The following NR6A1 variants were observed in gnomAD, a reference collection of about 807,000 sequenced individuals.
NR6A1 encodes retinoic acid receptor-related testis-associated receptor.
In NR6A1, 7 loss-of-function variants were observed where a neutral mutation model predicts 59.1. That is an observed-to-expected ratio of 0.12 (90% CI 0.07 to 0.22). NR6A1 has a LOEUF of 0.22. Ranked by LOEUF, NR6A1 falls within the 10% of genes least tolerant of loss-of-function variation. The probability of loss-of-function intolerance (pLI) is 1.00; values close to 1 mark genes in which losing one functional copy is unlikely to be tolerated. For synonymous variants in NR6A1, 243 were observed against 236.1 expected, an observed-to-expected ratio of 1.03 and a Z score of -0.27; for missense variants, 468 against 611.6, an observed-to-expected ratio of 0.77 and a Z score of 2.48.
chr9:124,568,415 G>A (rs139434206), intron 2 of NR6A1, among the ~76,000 whole-genome samples: 1,859 of 151,610 alleles, frequency 0.012, 18 homozygotes, highest in Middle Eastern at 0.058. Context: ...CCCAGGAGGC[G>A]GAGGTTGCAG....
At chr9:124,739,347 A>G (rs1350711180) in intron 1 of NR6A1, among the ~76,000 whole-genome samples, 1 of 152,236 alleles carries the variant, frequency 6.6e-6, no homozygotes, top group Admixed American at 6.5e-5. Context: ...TTTGGTGAAT[A>G]TATGTAAATC....
At position 124,548,087 on chromosome 9, in the gene NR6A1, T is replaced by C. The variant is rs112973868; in HGVS notation, c.386-4230A>G. Among the ~76,000 whole-genome samples, 1,243 of 130,612 alleles carry C rather than the reference T, an allele frequency of 9.5e-3. 15 individuals are homozygous for C. The highest frequency in any genetic ancestry group is 0.035 in the African/African-American group (1,184 of 33,510). The allele number at this position is 130,612 out of a possible 152,430, so 85.7% of individuals were successfully genotyped here. On this transcript the variant is annotated intron_variant, in intron 3 of 9. Transcript: ENST00000487099. ...GCGTACATGCAGGCACACACACACTTACTTACCTGTGGGAAGTGGGGAAGG... is the reference window on the plus strand; with the variant it reads ...GCGTACATGCAGGCACACACACACTCACTTACCTGTGGGAAGTGGGGAAGG...
chr9:124,762,920 C>CA (rs1249158684), intron 1 of NR6A1, among the ~76,000 whole-genome samples: 1 of 152,182 alleles, frequency 6.6e-6, no homozygotes, highest in Non-Finnish European at 1.5e-5. Flanking sequence ...CTTGAAAGCT[C>CA]AAATTTTATT....
At chr9:124,556,159 T>C (rs1833918675) in intron 2 of NR6A1, among the ~76,000 whole-genome samples, 1 of 152,246 alleles carries the variant, frequency 6.6e-6, no homozygotes, top group Non-Finnish European at 1.5e-5. Context: ...TTTGTAGATG[T>C]GATTGAATTA....
At chr9:124,625,586 G>C (rs1341396759) in intron 2 of NR6A1, among the ~76,000 whole-genome samples, 5 of 152,074 alleles carry the variant, frequency 3.3e-5, no homozygotes, top group Non-Finnish European at 2.9e-5. Context: ...GGCTCTCTAG[G>C]TTTTCTGTTC....
At chr9:124,547,604 T>C (rs147098730) in intron 3 of NR6A1, among the ~76,000 whole-genome samples, 3 of 152,268 alleles carry the variant, frequency 2.0e-5, no homozygotes, top group African/African-American at 4.8e-5. Context: ...ATATCACCAA[T>C]AATGGGTATA....
chr9:124,618,882 G>A (rs1835978461), intron 2 of NR6A1, among the ~76,000 whole-genome samples: 1 of 152,204 alleles, frequency 6.6e-6, no homozygotes, highest in African/African-American at 2.4e-5. Flanking sequence ...TGATTGCAGA[G>A]TTGAGGTGGT....
Position 124,733,362 on chromosome 9 carries a change from C to T in NR6A1, c.101-13G>A. 4 of 1,608,176 alleles carry T rather than the reference C, an allele frequency of 2.5e-6. No homozygotes were observed. Among genetic ancestry groups the T allele is most frequent in the Non-Finnish European group, 3.4e-6 (4 of 1,175,274 alleles). On this transcript the variant is annotated splice_polypyrimidine_tract_variant and intron_variant, in intron 1 of 9. Coordinates refer to ENST00000487099, the MANE Select transcript of NR6A1 (RefSeq NM_033334.4). ...TCCTGACAGAAACCTAAAGAGAAAA[C>T]AATAGGAAAAAAAATTACAATTTGT...
At chr9:124,598,647 T>TAAAAAA (rs34357133) in intron 2 of NR6A1, 44 of 160,958 alleles carry the variant, frequency 2.7e-4, no homozygotes, top group East Asian at 6.7e-4. Flanking sequence ...AGAGTAAAAT[T>TAAAAAA]AAAAAAAAAA....
At chr9:124,596,408 A>G (rs1835274790) in intron 2 of NR6A1, among the ~76,000 whole-genome samples, 1 of 152,142 alleles carries the variant, frequency 6.6e-6, no homozygotes, top group African/African-American at 2.4e-5. Context: ...ACACAGAGCT[A>G]AGAGTTGTTT....
intron 1 of NR6A1, among the ~76,000 whole-genome samples, chr9:124,746,066 G>T (rs1021044203): frequency 2.6e-5 from 4 of 151,244 alleles, no homozygotes; most frequent in Admixed American, 2.6e-4. Context: ...TCAACTGAAG[G>T]GGAAAAAAAA....
intron 2 of NR6A1, among the ~76,000 whole-genome samples, chr9:124,650,329 C>T (rs752739495): frequency 6.6e-6 from 1 of 151,958 alleles, no homozygotes; most frequent in Non-Finnish European, 1.5e-5. Flanking sequence ...ATAAGCTGGG[C>T]ACCGAAAGAC....
intron 1 of NR6A1, among the ~76,000 whole-genome samples, chr9:124,740,246 C>T (rs548713858): frequency 2.6e-5 from 4 of 152,294 alleles, no homozygotes; most frequent in Admixed American, 6.5e-5. Flanking sequence ...TCTAATTTCC[C>T]CCTCCCTTTC....
At chr9:124,633,402 CAAAAAA>C (rs11337023) in intron 2 of NR6A1, among the ~76,000 whole-genome samples, 3 of 72,728 alleles carry the variant, frequency 4.1e-5, no homozygotes, top group African/African-American at 5.3e-5. Context: ...AACTCCGTCT[CAAAAAA>C]AAAAAAAAAA....
chr9:124,592,876 T>C (rs777423182), intron 2 of NR6A1, among the ~76,000 whole-genome samples: 10 of 152,204 alleles, frequency 6.6e-5, no homozygotes, highest in Non-Finnish European at 1.2e-4. Flanking sequence ...AATGACTCCA[T>C]TACTCTTTCC....
chr9:124,762,922 A>G (rs1380562504), intron 1 of NR6A1, among the ~76,000 whole-genome samples: 1 of 152,230 alleles, frequency 6.6e-6, no homozygotes, highest in African/African-American at 2.4e-5. Context: ...TGAAAGCTCA[A>G]ATTTTATTTA....
chr9:124,621,326 A>G (rs991219435), intron 2 of NR6A1, among the ~76,000 whole-genome samples: 1 of 152,190 alleles, frequency 6.6e-6, no homozygotes, highest in African/African-American at 2.4e-5. Flanking sequence ...CAGTAGCTCA[A>G]AAAATGCTTA....
chr9:124,642,174 C>T (rs998200277), intron 2 of NR6A1, among the ~76,000 whole-genome samples: 2 of 152,088 alleles, frequency 1.3e-5, no homozygotes, highest in African/African-American at 4.8e-5. Context: ...CTCAGCCTCC[C>T]GGGTAGCTGG....
chr9:124,692,327 A>C, intron 2 of NR6A1: 1 of 318,580 alleles, frequency 3.1e-6, no homozygotes, highest in Non-Finnish European at 7.0e-6. Context: ...TGCTGCACAC[A>C]AATTGATTTT....
Sources: gnomAD v4.1 joint callset for allele counts (sites outside exome capture counted in the v4.1 genomes callset) on GRCh38, gnomAD v4.1.1 for gene constraint, MANE v1.5 for transcripts, NCBI Gene and HGNC (gene_info 2026-07-23, HGNC 2026-07-21) for gene names.